The following MACF1 variants were observed in gnomAD, a reference collection of about 807,000 sequenced individuals.
MACF1 encodes microtubule actin crosslinking factor 1.
In MACF1, 193 loss-of-function variants were observed where a neutral mutation model predicts 854.8. The observed-to-expected ratio is 0.23, with a 90% CI of 0.20 to 0.25. The LOEUF (loss-of-function observed/expected upper bound fraction) is 0.25. MACF1 is among the 10% of genes least tolerant of loss of function. The pLI is 1.00. For synonymous variants in MACF1, 3,185 were observed against 3,226.7 expected, an observed-to-expected ratio of 0.99 and a Z score of 0.44; for missense variants, 7,722 against 8,929.1, an observed-to-expected ratio of 0.86 and a Z score of 5.45.
At chr1:39,268,767 T>C (rs919783320) in intron 6 of MACF1, 1 of 1,289,358 alleles carries the variant, frequency 7.8e-7, no homozygotes, top group African/African-American at 1.5e-5. Flanking sequence ...GGCTCCCATA[T>C]CTCCTAAGAA....
At chr1:39,319,280 T>A (rs1489932158) in intron 30 of MACF1, among the ~76,000 whole-genome samples, 1 of 152,186 alleles carries the variant, frequency 6.6e-6, no homozygotes, top group East Asian at 1.9e-4. Flanking sequence ...GACCCCAGAC[T>A]AGCAGCATCC....
rs140695276 is a variant in MACF1, at chr1:39,387,706, G to T, written c.14864G>T (p.Arg4955Leu). The T allele has an allele frequency of 1.2e-6, 2 of 1,614,124 alleles. No homozygotes were observed. Among genetic ancestry groups the T allele is most frequent in the Admixed American group, 1.7e-5 (1 of 60,012 alleles). Residue 4955 changes from arginine to leucine, a missense_variant, in exon 58 of 101, where the codon CGC becomes CTC. Arg to Leu is a moderately radical substitution (Grantham distance 102). Around this residue, in one of 15 missense-constraint regions of MACF1, gnomAD observed 2,807 missense variants for 3,235.8 expected, o/e 0.87. Transcript: ENST00000564288. ...GCTATGCTGAATGAGGTGGAGAAGCGCCGCTCCCTGCTGGAAATATTGAAT... is the reference window on the plus strand; with the variant it reads ...GCTATGCTGAATGAGGTGGAGAAGCTCCGCTCCCTGCTGGAAATATTGAAT... Reference protein sequence around the residue: ...SKAMLNEVEKRRSLLEILNSA... With the variant: ...SKAMLNEVEKLRSLLEILNSA...
intron 2 of MACF1, among the ~76,000 whole-genome samples, chr1:39,170,417 A>G (rs1315191007): frequency 1.3e-5 from 2 of 152,204 alleles, no homozygotes; most frequent in Non-Finnish European, 2.9e-5. Context: ...ATGAGCACCT[A>G]CCATGTGTGC....
Position 39,283,464 on chromosome 1 carries a change from T to C in MACF1, c.864T>C (p.Ile288=), listed in dbSNP as rs779684803. 5.0e-6 allele frequency: 8 copies of C among 1,612,996 alleles called. No homozygotes were observed. The highest frequency in any genetic ancestry group is 1.7e-5 in the Admixed American group (1 of 60,010). Residue 288 remains isoleucine (I), a synonymous_variant, in exon 9 of 101, where the codon ATT becomes ATC. Coordinates refer to ENST00000564288, the MANE Select transcript of MACF1 (RefSeq NM_001394062.1). This position sits in a 1 kb window ranked among gnomAD's most constrained non-coding sequence, Gnocchi z 4.5. ...CTGTAATCACTTATGTGTCTTCGAT[T>C]TATGATGCCTTCCCTAAAGTTCCTG... ...EKSVITYVSS[I]YDAFPKVPEG... is the part of the protein sequence containing the mutation.
Position 39,337,203 on chromosome 1 carries a change from T to C in MACF1, c.10087T>C (p.Cys3363Arg), listed in dbSNP as rs751763776. 6.2e-7 allele frequency: 1 copy of C among 1,613,358 alleles called. No individual in the cohort carries two copies. The highest frequency in any genetic ancestry group is 1.1e-5 in the South Asian group (1 of 90,844). Reference sequence around the variant, plus strand: ...ACAGAATGTATTTACCCGGCAACTCTGTTTAGAACATGATGAAAAGCTAGT... The same window carrying C: ...ACAGAATGTATTTACCCGGCAACTCCGTTTAGAACATGATGAAAAGCTAGT... ...ATQNVFTRQLCLEHDEKLVSY... is the reference protein window; with the variant it reads ...ATQNVFTRQLRLEHDEKLVSY... The change falls in exon 38 of 101, where the codon TGT becomes CGT. Residue 3363 changes from cysteine to arginine, a missense_variant. Physicochemically the swap from Cys to Arg is radical, Grantham distance 180 (BLOSUM62 -3). Around this residue, in one of 15 missense-constraint regions of MACF1, gnomAD observed 854 missense variants for 852.6 expected, o/e 1.00. Transcript: ENST00000564288.
intron 7 of MACF1, among the ~76,000 whole-genome samples, chr1:39,282,821 G>A (rs1645573113): frequency 6.6e-6 from 1 of 152,216 alleles, no homozygotes; most frequent in Admixed American, 6.5e-5. Context: ...GTGAGGGCTT[G>A]CTTAGAGTGG....
At chr1:39,320,841 G>A (rs1395452247) in intron 31 of MACF1, among the ~76,000 whole-genome samples, 1 of 152,092 alleles carries the variant, frequency 6.6e-6, no homozygotes, top group African/African-American at 2.4e-5. Flanking sequence ...GTAGTGGTGT[G>A]CACCTGTAGT....
chr1:39,210,231 G>A (rs75135916), intron 1 of MACF1, among the ~76,000 whole-genome samples: 3,035 of 152,046 alleles, frequency 0.02, 109 homozygotes, highest in African/African-American at 0.07. Context: ...CTCCATTTGT[G>A]TCATCTACAA....
intron 2 of MACF1, among the ~76,000 whole-genome samples, chr1:39,127,970 T>G (rs1332536487): frequency 6.6e-6 from 1 of 152,198 alleles, no homozygotes. Flanking sequence ...AAGCAGAAAT[T>G]ACAAAGAAAA....
intron 2 of MACF1, among the ~76,000 whole-genome samples, chr1:39,133,578 C>T (rs966381922): frequency 1.1e-4 from 16 of 152,032 alleles, no homozygotes; most frequent in African/African-American, 3.6e-4. Context: ...TTTTATTTTT[C>T]CCAACTTTAT....
At chr1:39,357,950 T>C in intron 45 of MACF1, 57 bp downstream of exon 45, 1 of 1,519,280 alleles carries the variant, frequency 6.6e-7, no homozygotes, top group Non-Finnish European at 8.9e-7. Context: ...CTTCACACAA[T>C]GTAGGTAGTG....
rs754772133 is a variant in MACF1 at position 39,361,624 on chromosome 1, G to C, written c.12718G>C (p.Ala4240Pro). The change falls in exon 49 of 101, where the codon GCC becomes CCC. Residue 4240 changes from alanine to proline, a missense_variant. By Grantham distance (27) the Ala-to-Pro change is conservative. This residue lies in a region of MACF1 where 2,807 missense variants were observed against 3,235.8 expected (regional missense o/e 0.87). Transcript: ENST00000564288. ...QFMENKSRML[A>P]SGNQPDQDIT... ...CATGGAAAACAAAAGTCGGATGCTG[G>C]CCTCTGGAAATCAGCCAGATCAAGA... The C allele has an allele frequency of 6.2e-7, 1 of 1,614,166 alleles. No homozygotes were observed. Among genetic ancestry groups the C allele is most frequent in the Admixed American group, 1.7e-5 (1 of 60,012 alleles).
intron 40 of MACF1, among the ~76,000 whole-genome samples, chr1:39,341,503 C>T (rs1400548839): frequency 6.7e-6 from 1 of 150,054 alleles, no homozygotes; most frequent in African/African-American, 2.5e-5. Flanking sequence ...CAACACCAGC[C>T]TGGCCAACAT....
At chr1:39,182,183 C>T (rs569487340) in intron 2 of MACF1, among the ~76,000 whole-genome samples, 2 of 151,006 alleles carry the variant, frequency 1.3e-5, no homozygotes, top group African/African-American at 4.9e-5. Context: ...TAAACCCTGA[C>T]CTCACACAAC....
At position 39,105,258 on chromosome 1, in the gene MACF1, G is replaced by A. The variant is rs572529228; in HGVS notation, c.220+20820G>A. 8.8e-4 allele frequency among the ~76,000 whole-genome samples: 133 copies of A among 151,124 alleles called. No individual in the cohort carries two copies. Among genetic ancestry groups the A allele is most frequent in the African/African-American group, 3.2e-3 (131 of 41,428 alleles). The stretch of plus-strand genomic sequence containing the variant: ...CAGCCTGGGGCCGAGGACTCGCCGG[G>A]ACCCGGAGGCGGCGGGGAGAGGGGG... On this transcript the variant is annotated intron_variant, in intron 2 of 93. Transcript: ENST00000361689. This position sits in a 1 kb window ranked among gnomAD's most constrained non-coding sequence, Gnocchi z 5.9.
intron 2 of MACF1, among the ~76,000 whole-genome samples, chr1:39,129,086 A>G (rs1169567765): frequency 6.6e-6 from 1 of 152,110 alleles, no homozygotes; most frequent in Non-Finnish European, 1.5e-5. Flanking sequence ...TTAGTACTTC[A>G]CACCCTTCTA....
intron 2 of MACF1, among the ~76,000 whole-genome samples, chr1:39,174,701 T>C (rs1292985178): frequency 2.0e-5 from 3 of 152,170 alleles, no homozygotes; most frequent in African/African-American, 7.2e-5. Context: ...TTCGTAGTCT[T>C]TGTCTGAGAG....
chr1:39,160,557 A>G (rs548958611), intron 2 of MACF1, among the ~76,000 whole-genome samples: 1 of 152,358 alleles, frequency 6.6e-6, no homozygotes, highest in Non-Finnish European at 1.5e-5. Flanking sequence ...CATAAAACAT[A>G]CAATATATAG....
intron 2 of MACF1, among the ~76,000 whole-genome samples, chr1:39,189,321 C>T (rs75463014): frequency 3.0e-4 from 46 of 152,322 alleles, no homozygotes; most frequent in African/African-American, 1.1e-3. Context: ...TATCCACACT[C>T]CAGTGTATCA....
Sources: gnomAD v4.1 joint callset for allele counts (sites outside exome capture counted in the v4.1 genomes callset) on GRCh38, gnomAD v4.1.1 for gene constraint, gnomAD v4.1.1 regional missense constraint, Gnocchi (gnomAD v3.1) non-coding constraint, MANE v1.5 for transcripts, NCBI Gene and HGNC (gene_info 2026-07-23, HGNC 2026-07-21) for gene names.